PRDM2: variants seen among roughly 807,000 people sequenced by gnomAD.
PRDM2 encodes the protein PR domain zinc finger protein 2.
In PRDM2, 30 loss-of-function variants were observed where a neutral mutation model predicts 130.0. The observed-to-expected ratio is 0.23, with a 90% CI of 0.17 to 0.31. The LOEUF (loss-of-function observed/expected upper bound fraction) is 0.31. Ranked by LOEUF, PRDM2 falls within the 10% of genes least tolerant of loss-of-function variation. The pLI is 1.00. For synonymous variants in PRDM2, 871 were observed against 782.4 expected (o/e 1.11, Z -1.89); for missense variants, 2,011 against 2,108.4 (o/e 0.95, Z 0.90).
chr1:13,741,858 C>G, intron 4 of PRDM2, 147 bp from the exon 5 acceptor site: 1 of 629,066 alleles, frequency 1.6e-6, no homozygotes, highest in Non-Finnish European at 2.7e-6. Flanking sequence ...TTTTTCTTTT[C>G]TCTGTCGCTT....
intron 6 of PRDM2, among the ~76,000 whole-genome samples, chr1:13,759,327 G>A (rs187062951): frequency 4.1e-4 from 62 of 152,100 alleles, no homozygotes; most frequent in Non-Finnish European, 1.3e-4. Flanking sequence ...ACCCCAAGAC[G>A]GAATTATGTG....
intron 9 of PRDM2, among the ~76,000 whole-genome samples, chr1:13,818,663 G>T (rs950020565): frequency 5.9e-5 from 9 of 152,100 alleles, no homozygotes; most frequent in African/African-American, 2.2e-4. Context: ...GGGATTACAG[G>T]CGTGAGCCAC....
rs1644020477 is a variant in PRDM2, at chr1:13,758,619, T to C, written c.511+9132T>C. Among the ~76,000 whole-genome samples, 6 of 152,266 alleles carry C rather than the reference T, an allele frequency of 3.9e-5. No individual in the cohort carries two copies. In the South Asian group the frequency reaches 1.2e-3, roughly 32 times the overall value. On this transcript the variant is annotated intron_variant, in intron 6 of 9. Coordinates refer to ENST00000311066, the MANE Select transcript of PRDM2 (RefSeq NM_001393986.1). Reference sequence around the variant, plus strand: ...AAAAATAGGAGAAGGTAACTTTGTTTAAAAGGTTAAAACTTGGTGCGTATA... The same window carrying C: ...AAAAATAGGAGAAGGTAACTTTGTTCAAAAGGTTAAAACTTGGTGCGTATA...
At chr1:13,747,643 CAGTG>C (rs1451252764) in intron 5 of PRDM2, among the ~76,000 whole-genome samples, 11 of 151,756 alleles carry the variant, frequency 7.2e-5, no homozygotes, top group East Asian at 3.9e-4. Flanking sequence ...ACTGTGTAGA[CAGTG>C]AGAGTTCTGC....
chr1:13,708,697 C>G (rs905123859), intron 1 of PRDM2, among the ~76,000 whole-genome samples: 5 of 152,110 alleles, frequency 3.3e-5, no homozygotes, highest in Non-Finnish European at 7.4e-5. Context: ...TCTTGTATCT[C>G]TTATATATTT....
At chr1:13,735,388 C>T (rs890339485) in intron 4 of PRDM2, among the ~76,000 whole-genome samples, 4 of 152,364 alleles carry the variant, frequency 2.6e-5, no homozygotes, top group African/African-American at 9.6e-5. Context: ...TGACTCTCCC[C>T]ATCCGCACTG....
intron 8 of PRDM2, among the ~76,000 whole-genome samples, chr1:13,815,493 T>G (rs11588426): frequency 0.18 from 22,566 of 128,812 alleles, 1,744 homozygotes; most frequent in Non-Finnish European, 0.2. Context: ...TCAGAGCTCA[T>G]GAGAAAGGCA....
At chr1:13,736,114 CTTT>C (rs766095858) in intron 4 of PRDM2, among the ~76,000 whole-genome samples, 15 of 131,964 alleles carry the variant, frequency 1.1e-4, no homozygotes, top group African/African-American at 1.4e-4. Context: ...TGTTTCTTTT[CTTT>C]TTTTTTTTTT....
intron 4 of PRDM2, among the ~76,000 whole-genome samples, chr1:13,738,066 G>GA (rs1167840396): frequency 5.3e-5 from 8 of 150,226 alleles, no homozygotes; most frequent in Admixed American, 3.3e-4. Context: ...TAGGAATAAA[G>GA]AAAAAAAAAG....
intron 6 of PRDM2, among the ~76,000 whole-genome samples, chr1:13,763,683 A>G (rs938908092): frequency 2.0e-5 from 3 of 152,208 alleles, no homozygotes; most frequent in Admixed American, 1.3e-4. Context: ...AACATTTTCA[A>G]TTATCTCATT....
intron 5 of PRDM2, among the ~76,000 whole-genome samples, chr1:13,748,765 T>C (rs1273940337): frequency 6.6e-6 from 1 of 152,176 alleles, no homozygotes; most frequent in African/African-American, 2.4e-5. Flanking sequence ...ATGTGGAAGT[T>C]TGATGTCCGG....
rs763288187 is a variant in PRDM2 at position 13,780,006 on chromosome 1, C to T, written c.2211C>T (p.Thr737=). ...PVTSSRFKRR[T]SSPPSSPQHS... ...CCTCAAGTAGGTTTAAGAGGCGGAC[C>T]AGCTCTCCTCCCAGTTCTCCACAGC... Residue 737 remains threonine, a synonymous_variant, in exon 8 of 10, where the codon ACC becomes ACT. Coordinates refer to ENST00000311066, the MANE Select transcript of PRDM2 (RefSeq NM_001393986.1). 18 of 1,614,192 alleles carry T rather than the reference C, an allele frequency of 1.1e-5. No individual in the cohort carries two copies. Among genetic ancestry groups the T allele is most frequent in the Non-Finnish European group, 1.4e-5 (17 of 1,180,042 alleles).
At chr1:13,804,210 G>A (rs1418563982) in intron 8 of PRDM2, among the ~76,000 whole-genome samples, 1 of 152,136 alleles carries the variant, frequency 6.6e-6, no homozygotes, top group Non-Finnish European at 1.5e-5. Flanking sequence ...GGTCAACTGT[G>A]TTGTCCCCAC....
chr1:13,708,249 A>G (rs1329748169), intron 1 of PRDM2, among the ~76,000 whole-genome samples: 3 of 152,092 alleles, frequency 2.0e-5, no homozygotes, highest in African/African-American at 7.2e-5. Context: ...GAATGCCACA[A>G]TCTAAATGCG....
Position 13,700,283 on chromosome 1 carries a change from C to G in PRDM2, c.-83C>G, listed in dbSNP as rs1053284904. 6.7e-6 allele frequency: 1 copy of G among 149,848 alleles called. No homozygotes were observed. The highest frequency in any genetic ancestry group is 2.4e-5 in the African/African-American group (1 of 41,030). The allele number at this position is 149,848 out of a possible 1,614,324, so 9.3% of individuals were successfully genotyped here. On this transcript the variant is annotated 5_prime_UTR_variant, in exon 1 of 10. Transcript: ENST00000311066. ...CGGCGGCCCTCGGTGCTCTGAGGCGCTGGCGCGGCGGGCGCGGGTAAGGAG... is the reference window on the plus strand; with the variant it reads ...CGGCGGCCCTCGGTGCTCTGAGGCGGTGGCGCGGCGGGCGCGGGTAAGGAG...
chr1:13,741,720 TTGTGTGTGTGTGTGTGTGTGTG>T (rs200384633), intron 4 of PRDM2, among the ~76,000 whole-genome samples: 1 of 112,550 alleles, frequency 8.9e-6, no homozygotes, highest in African/African-American at 4.1e-5. Flanking sequence ...CTCTTTAAGT[TTGTGTGTGTGTGTGTGTGTGTG>T]TGTGTGTGTG....
chr1:13,731,385 C>G (rs529177650), intron 3 of PRDM2, among the ~76,000 whole-genome samples: 1 of 152,186 alleles, frequency 6.6e-6, no homozygotes, highest in Non-Finnish European at 1.5e-5. Context: ...TGAGTGTCCT[C>G]CTCCTCTGAG....
At chr1:13,758,920 G>C (rs12087415) in intron 6 of PRDM2, among the ~76,000 whole-genome samples, 1,538 of 152,258 alleles carry the variant, frequency 0.01, 24 homozygotes, top group African/African-American at 0.036. Flanking sequence ...TACTGTGTGT[G>C]TGGTATATAA....
chr1:13,782,179 C>A lies in PRDM2; in HGVS notation c.4384C>A (p.Arg1462=). ...CTCTCACATCTGCCCTTACTGTAAT[C>A]GAGAGTTCACTTACATTGGAAGCCT... ...SSSHICPYCN[R]EFTYIGSLNK... Residue 1462 remains arginine (R), a synonymous_variant, in exon 8 of 10, where the codon CGA becomes AGA. Transcript: ENST00000311066. 1 of 1,613,684 alleles carries A rather than the reference C, an allele frequency of 6.2e-7. No homozygotes were observed. The highest frequency in any genetic ancestry group is 8.5e-7 in the Non-Finnish European group (1 of 1,179,902).
Sources: allele counts gnomAD v4.1 joint callset (sites outside exome capture counted in the v4.1 genomes callset), GRCh38; gene constraint gnomAD v4.1.1; transcripts MANE v1.5; gene names NCBI Gene and HGNC (gene_info 2026-07-23, HGNC 2026-07-21).